Variants in ATP12A observed in about 807,000 individuals in gnomAD.
ATP12A encodes potassium-transporting ATPase alpha chain 2.
A neutral mutation model predicts 111.2 loss-of-function variants in ATP12A; 81 were observed. The observed-to-expected ratio is 0.73, with a 90% confidence interval of 0.61 to 0.88. The LOEUF (loss-of-function observed/expected upper bound fraction) is 0.88, where lower values mean the gene tolerates loss of function less well. Ranked by LOEUF, ATP12A falls within the 40% of genes least tolerant of loss-of-function variation. The pLI, the probability that ATP12A is intolerant of heterozygous loss-of-function variation, is 0.00. For synonymous variants in ATP12A, 498 were observed against 499.8 expected (o/e 1.00, Z 0.05); for missense variants, 1,196 against 1,313.1 (o/e 0.91, Z 1.38).
chr13:24,701,028 T>C (rs1255863119), intron 13 of ATP12A, 106 bp downstream of exon 13: 3 of 1,238,028 alleles, frequency 2.4e-6, no homozygotes, highest in Non-Finnish European at 3.4e-6. Context: ...TTCAAGTAAA[T>C]ATCATAATTC....
At chr13:24,708,104 A>T (rs1875750634) in intron 17 of ATP12A, among the ~76,000 whole-genome samples, 2 of 152,238 alleles carry the variant, frequency 1.3e-5, no homozygotes, top group Admixed American at 6.5e-5. Context: ...CCCAGTGACT[A>T]AAGTGATAAT....
chr13:24,708,900 G>GGAAAGAAA (rs764913574), intron 17 of ATP12A, among the ~76,000 whole-genome samples: 2,267 of 65,126 alleles, frequency 0.035, 51 homozygotes, highest in East Asian at 0.048. Context: ...AAGAAAGAAA[G>GGAAAGAAA]GAAAGAAAGA....
At chr13:24,690,007 GC>G (rs552377461) in intron 5 of ATP12A, among the ~76,000 whole-genome samples, 112 of 152,266 alleles carry the variant, frequency 7.4e-4, no homozygotes, top group African/African-American at 2.6e-3. Context: ...TTTCTAGGAG[GC>G]CCAGGGCTCT....
chr13:24,711,456 ACT>A (rs748636942), intron 22 of ATP12A, 36 bp from the exon 23 acceptor site: 14 of 1,613,764 alleles, frequency 8.7e-6, no homozygotes, highest in Non-Finnish European at 1.2e-5. Flanking sequence ...ACTTCAACAG[ACT>A]CTCCATTTCT....
At chr13:24,683,221 G>C (rs1021560665) in intron 2 of ATP12A, among the ~76,000 whole-genome samples, 1 of 152,152 alleles carries the variant, frequency 6.6e-6, no homozygotes, top group Non-Finnish European at 1.5e-5. Flanking sequence ...GCTTCCCAAA[G>C]TGCTGGGATT....
chr13:24,688,100 C>T (rs1874733538), intron 3 of ATP12A, among the ~76,000 whole-genome samples: 1 of 152,146 alleles, frequency 6.6e-6, no homozygotes, highest in South Asian at 2.1e-4. Context: ...AGTGAATATA[C>T]AGAGCACAGT....
intron 2 of ATP12A, among the ~76,000 whole-genome samples, chr13:24,682,148 G>T (rs1226042056): frequency 9.0e-6 from 1 of 110,690 alleles, no homozygotes; most frequent in Non-Finnish European, 1.9e-5. Context: ...ATATGTGTGT[G>T]GTGTGTGTGT....
At position 24,696,718 on chromosome 13, in the gene ATP12A, CAAAA is replaced by C. The variant is rs1199522203; in HGVS notation, c.1513-1915_1513-1912del. On this transcript the variant is annotated intron_variant, in intron 11 of 22. Transcript: ENST00000381946. ...TGGGCGACAGAGCGAGACTCCGTCTCAAAAAAAAAAAAAAAAAAAAAAAAAAAAG... is the reference window on the plus strand; with the variant it reads ...TGGGCGACAGAGCGAGACTCCGTCTCAAAAAAAAAAAAAAAAAAAAAAAAG... 1.5e-4 allele frequency among the ~76,000 whole-genome samples: 5 copies of C among 33,038 alleles called. 1 individual carries two copies. In the Admixed American group the frequency reaches 2.3e-3, roughly 15 times the overall value. 21.7% of individuals were successfully genotyped at this position (33,038 alleles called of 152,430 possible).
At chr13:24,692,710 C>T in intron 9 of ATP12A, 77 bp from the exon 10 acceptor site, 1 of 1,596,792 alleles carries the variant, frequency 6.3e-7, no homozygotes, top group South Asian at 1.1e-5. Flanking sequence ...GGGTCTGCAG[C>T]CAGAGGATTG....
intron 12 of ATP12A, among the ~76,000 whole-genome samples, chr13:24,699,802 T>G (rs1445369450): frequency 6.6e-6 from 1 of 152,066 alleles, no homozygotes; most frequent in Non-Finnish European, 1.5e-5. Flanking sequence ...AATGACAAAT[T>G]CAAGGAAACA....
intron 8 of ATP12A, among the ~76,000 whole-genome samples, chr13:24,691,815 G>C (rs1874918220): frequency 6.6e-6 from 1 of 152,104 alleles, no homozygotes; most frequent in Non-Finnish European, 1.5e-5. Flanking sequence ...TATGTTTCCA[G>C]TTTTGTGACT....
At chr13:24,710,749 G>A (rs1253590973) in intron 20 of ATP12A, 43 bp from the exon 21 acceptor site, 1 of 1,608,278 alleles carries the variant, frequency 6.2e-7, no homozygotes, top group Non-Finnish European at 8.5e-7. Flanking sequence ...TGATCATGAA[G>A]CCACAAGAAT....
chr13:24,687,905 C>G (rs545801230), intron 3 of ATP12A, among the ~76,000 whole-genome samples: 1 of 152,248 alleles, frequency 6.6e-6, no homozygotes, highest in African/African-American at 2.4e-5. Flanking sequence ...AACTAAAACC[C>G]CTTAGCAGAG....
chr13:24,687,789 C>T (rs1378836067), intron 3 of ATP12A, among the ~76,000 whole-genome samples: 3 of 152,226 alleles, frequency 2.0e-5, no homozygotes, highest in African/African-American at 7.2e-5. Flanking sequence ...AGAAGCTTCC[C>T]TATTTCCTGG....
In ATP12A at chr13:24,711,622, A is replaced by G. The variant is rs1875976804; in HGVS notation, c.*100A>G. On this transcript the variant is annotated 3_prime_UTR_variant, in exon 23 of 23. Transcript: ENST00000381946. The stretch of plus-strand genomic sequence containing the variant: ...ATTCCCCTGCAGTGCAGACATCGTC[A>G]AAATTCAGACAAGAGGAAATTTTCA... The G allele has an allele frequency of 6.5e-7, 1 of 1,527,738 alleles. No individual in the cohort carries two copies. Among genetic ancestry groups the G allele is most frequent in the Admixed American group, 1.8e-5 (1 of 56,018 alleles). 94.6% of individuals were successfully genotyped at this position (1,527,738 alleles called of 1,614,324 possible). A position where few individuals can be genotyped will look rare whatever the true frequency, so the allele number is the denominator to read the frequency against.
Position 24,694,591 on chromosome 13 carries a change from T to G in ATP12A, c.1512+13T>G. ...TAATAAATTTCAGGTGAGTTTTTCC[T>G]CACAACCGGTAATCTCTGTCATCGG... On this transcript the variant is annotated intron_variant, in intron 11 of 22. Transcript: ENST00000381946. 8 of 1,612,266 alleles carry G rather than the reference T, an allele frequency of 5.0e-6. No individual in the cohort carries two copies. The highest frequency in any genetic ancestry group is 5.9e-6 in the Non-Finnish European group (7 of 1,179,974).
intron 12 of ATP12A, among the ~76,000 whole-genome samples, chr13:24,699,687 A>C (rs1316969513): frequency 6.6e-6 from 1 of 152,240 alleles, no homozygotes; most frequent in Non-Finnish European, 1.5e-5. Flanking sequence ...TAGAAATGCA[A>C]CAGGAGGAGG....
chr13:24,698,511 G>A (rs750109969), intron 11 of ATP12A, 147 bp from the exon 12 acceptor site: 13 of 891,546 alleles, frequency 1.5e-5, no homozygotes, highest in South Asian at 5.4e-5. Flanking sequence ...AGAGCTCTTC[G>A]TCTTACTTGG....
intron 1 of ATP12A, 114 bp from the exon 2 acceptor site, chr13:24,681,448 G>T: frequency 7.7e-7 from 1 of 1,292,710 alleles, no homozygotes; most frequent in Non-Finnish European, 1.1e-6. Flanking sequence ...GAGGAGGGAA[G>T]GAAAGGGAGA....
Sources: gnomAD v4.1 joint callset for allele counts (sites outside exome capture counted in the v4.1 genomes callset) on GRCh38, gnomAD v4.1.1 for gene constraint, MANE v1.5 for transcripts, NCBI Gene and HGNC (gene_info 2026-07-23, HGNC 2026-07-21) for gene names.